Variants in ANKS3 observed in about 807,000 individuals in gnomAD.
ANKS3 encodes ankyrin repeat and SAM domain-containing protein 3.
Under a neutral mutation model 80.7 loss-of-function variants are expected in ANKS3, and 62 were observed. The observed-to-expected ratio is 0.77, with a 90% CI of 0.63 to 0.95. ANKS3 has a LOEUF of 0.95. Among genes scored for constraint, ANKS3 ranks in the 40% least tolerant of loss-of-function variants. The probability of loss-of-function intolerance (pLI) is 0.00; values close to 1 mark genes in which losing one functional copy is unlikely to be tolerated. For synonymous variants in ANKS3, 489 were observed against 355.3 expected (o/e 1.38, Z -4.23); for missense variants, 1,150 against 883.6 (o/e 1.30, Z -3.82).
At chr16:4,707,094 G>T (rs537607850) in intron 7 of ANKS3, among the ~76,000 whole-genome samples, 1 of 152,272 alleles carries the variant, frequency 6.6e-6, no homozygotes, top group Admixed American at 6.5e-5. Flanking sequence ...GGAGGGAGCT[G>T]TAAGACAAAT....
intron 5 of ANKS3, 102 bp downstream of exon 5, chr16:4,726,557 C>G (rs2081363446): frequency 7.7e-7 from 1 of 1,297,810 alleles, no homozygotes; most frequent in East Asian, 2.3e-5. Flanking sequence ...CGTGCCGAAG[C>G]AGGGTGGCCC....
intron 3 of ANKS3, 118 bp from the exon 4 acceptor site, chr16:4,727,295 C>T (rs2081404365): frequency 9.8e-6 from 10 of 1,020,684 alleles, no homozygotes; most frequent in Non-Finnish European, 1.4e-5. Context: ...AGTTATCTGC[C>T]ACCCTGGACG....
intron 7 of ANKS3, among the ~76,000 whole-genome samples, chr16:4,710,413 T>A (rs1395806268): frequency 6.6e-6 from 1 of 152,142 alleles, no homozygotes; most frequent in Non-Finnish European, 1.5e-5. Flanking sequence ...AAAAATGAGA[T>A]AAATATTTTC....
intron 7 of ANKS3, among the ~76,000 whole-genome samples, chr16:4,705,684 G>A (rs192059279): frequency 3.3e-5 from 5 of 151,554 alleles, no homozygotes; most frequent in African/African-American, 1.2e-4. Context: ...TGGCCAGGCT[G>A]GTCTCAAACT....
In ANKS3 at chr16:4,696,731, G is replaced by T. The variant is rs2079571771; in HGVS notation, c.*177C>A. On this transcript the variant is annotated 3_prime_UTR_variant, in exon 18 of 18. Transcript: ENST00000304283. ...CGCCTCAGTGCTGGCCCGAGCTGCC[G>T]AGCCAGGGCCGCAGCCCCCGTCTTG... 2 of 497,320 alleles carry T rather than the reference G, an allele frequency of 4.0e-6. No individual in the cohort carries two copies. Among genetic ancestry groups the T allele is most frequent in the Admixed American group, 3.3e-5 (1 of 30,048 alleles). 30.8% of individuals were successfully genotyped at this position (497,320 alleles called of 1,614,324 possible).
rs1236099575 is a variant in ANKS3 at position 4,698,526 on chromosome 16, C to A, written c.1625G>T (p.Cys542Phe). 1.9e-6 allele frequency: 3 copies of A among 1,573,112 alleles called. No homozygotes were observed. The highest frequency in any genetic ancestry group is 2.6e-6 in the Non-Finnish European group (3 of 1,167,614). The change falls in exon 14 of 18, where the codon TGC (cysteine) becomes TTC (phenylalanine). Residue 542 changes from cysteine (C) to phenylalanine (F), a missense_variant. By Grantham distance (205) the Cys-to-Phe change is radical. Coordinates refer to ENST00000304283, the MANE Select transcript of ANKS3 (RefSeq NM_133450.4). ...EQELRAVVES[C>F]LLEQDRARED... is the part of the protein sequence containing the mutation. Reference sequence around the variant, plus strand: ...GCGGGCGCGGTCCTGCTCCAGCAGGCAGCTCTCCACCACGGCGCGCAGCTC... The same window carrying A: ...GCGGGCGCGGTCCTGCTCCAGCAGGAAGCTCTCCACCACGGCGCGCAGCTC...
chr16:4,713,918 A>C, intron 7 of ANKS3, 133 bp downstream of exon 7: 2 of 1,260,836 alleles, frequency 1.6e-6, no homozygotes, highest in Non-Finnish European at 2.2e-6. Context: ...ACATGTAAGC[A>C]GCTGGGGGAG....
intron 6 of ANKS3, among the ~76,000 whole-genome samples, chr16:4,715,570 T>C (rs1299583196): frequency 2.0e-5 from 3 of 152,200 alleles, no homozygotes; most frequent in Non-Finnish European, 4.4e-5. Flanking sequence ...TACTCCAGCC[T>C]GGGCAATAGA....
chr16:4,726,779 T>C lies in ANKS3; in HGVS notation c.371A>G (p.Gln124Arg), dbSNP rs1282361587. The C allele has an allele frequency of 8.1e-6, 13 of 1,612,476 alleles. No homozygotes were observed. Among genetic ancestry groups the C allele is most frequent in the Non-Finnish European group, 1.0e-5 (12 of 1,178,732 alleles). ...GTCTTTCATTTCTAGCTCTGCACCT[T>C]GCTTCAAGAGAACACAGAACGTGCG... Reference protein sequence around the residue: ...NESIAYFLLQQGAELEMKDIQ... With the variant: ...NESIAYFLLQRGAELEMKDIQ... Residue 124 changes from glutamine to arginine, a missense_variant and splice_region_variant, in exon 5 of 18, where the codon CAA becomes CGA. Gln to Arg is a conservative substitution (Grantham distance 43, BLOSUM62 1). Coordinates refer to ENST00000304283, the MANE Select transcript of ANKS3 (RefSeq NM_133450.4).
In ANKS3 at chr16:4,705,199, T is replaced by TG; in HGVS notation, c.763dup (p.Gln255ProfsTer36). ...GACACCCTTCTTCCGGCAAGGCCTCTGTCTCTGAGGAGCAGGGCAGGACTC... is the reference window on the plus strand; with the variant it reads ...GACACCCTTCTTCCGGCAAGGCCTCTGGTCTCTGAGGAGCAGGGCAGGACTC... On this transcript the variant is annotated frameshift_variant, in exon 8 of 18. Coordinates refer to ENST00000304283, the MANE Select transcript of ANKS3 (RefSeq NM_133450.4). LOFTEE classifies it high-confidence loss of function. The TG allele has an allele frequency of 1.2e-6, 2 of 1,614,042 alleles. No individual in the cohort carries two copies. Among genetic ancestry groups the TG allele is most frequent in the South Asian group, 2.2e-5 (2 of 91,080 alleles).
At position 4,723,645 on chromosome 16, in the gene ANKS3, T is replaced by G. The variant is rs1039243059; in HGVS notation, c.573+1105A>C. On this transcript the variant is annotated intron_variant, in intron 6 of 17. Coordinates refer to ENST00000304283, the MANE Select transcript of ANKS3 (RefSeq NM_133450.4). ...AGCATGCAGCAGTACTGCATTACTTTGTAGGGCCGAATAATATCCTGCTAT... is the reference window on the plus strand; with the variant it reads ...AGCATGCAGCAGTACTGCATTACTTGGTAGGGCCGAATAATATCCTGCTAT... 3.9e-5 allele frequency among the ~76,000 whole-genome samples: 6 copies of G among 152,250 alleles called. No individual in the cohort carries two copies. The East Asian group carries it at 5.8e-4, about 15-fold the overall frequency.
At chr16:4,714,517 G>A (rs1461261926) in intron 6 of ANKS3, among the ~76,000 whole-genome samples, 1 of 152,202 alleles carries the variant, frequency 6.6e-6, no homozygotes, top group Non-Finnish European at 1.5e-5. Context: ...CACTCACTTC[G>A]CTTGTCTTCA....
Position 4,730,083 on chromosome 16 carries a change from C to T in ANKS3, c.67G>A (p.Gly23Arg), listed in dbSNP as rs750136545. Reference sequence around the variant, plus strand: ...TCCCCGCTGACCTGTGTCCCGAGCCCGTGCCACATGGACAAGCTGCGGTTC... The same window carrying T: ...TCCCCGCTGACCTGTGTCCCGAGCCTGTGCCACATGGACAAGCTGCGGTTC... ...LLNRSLSMWH[G>R]LGTQVSGEEL... The change falls in exon 3 of 18, where the codon GGG becomes AGG. Residue 23 changes from glycine to arginine, a missense_variant. Transcript: ENST00000304283. The T allele has an allele frequency of 3.1e-6, 5 of 1,593,280 alleles. No homozygotes were observed. The highest frequency in any genetic ancestry group is 1.7e-5 in the Admixed American group (1 of 58,244).
At chr16:4,728,604 C>T (rs1408312507) in intron 3 of ANKS3, among the ~76,000 whole-genome samples, 1 of 152,086 alleles carries the variant, frequency 6.6e-6, no homozygotes, top group Non-Finnish European at 1.5e-5. Context: ...TCAGCCCCAC[C>T]CCTTCCTTCT....
In ANKS3 at chr16:4,720,399, T is replaced by C. The variant is rs550636332; in HGVS notation, c.573+4351A>G. On this transcript the variant is annotated intron_variant, in intron 6 of 17. Coordinates refer to ENST00000304283, the MANE Select transcript of ANKS3 (RefSeq NM_133450.4). Reference sequence around the variant, plus strand: ...ATCGCTTGAACCTGGGAGGCAGAGGTTGCAGTGAGCCGAGATCGCGCCACT... The same window carrying C: ...ATCGCTTGAACCTGGGAGGCAGAGGCTGCAGTGAGCCGAGATCGCGCCACT... Among the ~76,000 whole-genome samples the C allele has an allele frequency of 2.0e-5, 3 of 149,646 alleles. No homozygotes were observed. The South Asian group carries it at 6.4e-4, about 32-fold the overall frequency.
chr16:4,706,861 C>A (rs2080221455), intron 7 of ANKS3, among the ~76,000 whole-genome samples: 1 of 152,162 alleles, frequency 6.6e-6, no homozygotes, highest in African/African-American at 2.4e-5. Flanking sequence ...TGGGCTGAGC[C>A]TGACACTGAG....
At chr16:4,727,214 G>C (rs373560290) in intron 3 of ANKS3, 37 bp from the exon 4 acceptor site, 3 of 1,603,462 alleles carry the variant, frequency 1.9e-6, no homozygotes, top group Non-Finnish European at 2.6e-6. Flanking sequence ...ATGGCCAGCC[G>C]CCTCGCATGT....
chr16:4,705,360 A>T (rs902290441), intron 7 of ANKS3, 107 bp from the exon 8 acceptor site: 1 of 1,355,230 alleles, frequency 7.4e-7, no homozygotes, highest in African/African-American at 1.5e-5. Flanking sequence ...TGTTAAATTA[A>T]GGAGAAGGGT....
At chr16:4,723,927 A>G (rs1383219369) in intron 6 of ANKS3, among the ~76,000 whole-genome samples, 2 of 151,888 alleles carry the variant, frequency 1.3e-5, no homozygotes, top group Non-Finnish European at 2.9e-5. Context: ...GGGGCATGGT[A>G]GCATGCACCT....
Sources: gnomAD v4.1 joint callset for allele counts (sites outside exome capture counted in the v4.1 genomes callset) on GRCh38, gnomAD v4.1.1 for gene constraint, MANE v1.5 for transcripts, NCBI Gene and HGNC (gene_info 2026-07-23, HGNC 2026-07-21) for gene names.